Variants in GRIK3 observed in about 807,000 individuals in gnomAD.
GRIK3 encodes glutamate ionotropic receptor kainate type subunit 3.
In GRIK3, 29 loss-of-function variants were observed where a neutral mutation model predicts 102.5. The observed-to-expected ratio is 0.28, with a 90% CI of 0.21 to 0.39. GRIK3 has a LOEUF of 0.39. GRIK3 is among the 10% of genes least tolerant of loss of function. The pLI is 1.00. For missense variants in GRIK3, 908 were observed against 1,252.4 expected (o/e 0.73, Z 4.15); for synonymous variants, 511 against 504.9 (o/e 1.01, Z -0.16).
At chr1:36,961,901 A>G (rs1642015060) in intron 1 of GRIK3, among the ~76,000 whole-genome samples, 1 of 149,806 alleles carries the variant, frequency 6.7e-6, no homozygotes. Context: ...TCTCGAGCTC[A>G]CAGCCTGGTG....
intron 10 of GRIK3, among the ~76,000 whole-genome samples, chr1:36,832,801 T>C (rs887782963): frequency 6.6e-6 from 1 of 152,110 alleles, no homozygotes; most frequent in Non-Finnish European, 1.5e-5. Flanking sequence ...CCGTGTCCCT[T>C]CAGTCAAGTT....
At chr1:36,976,899 A>G (rs1431306739) in intron 1 of GRIK3, among the ~76,000 whole-genome samples, 1 of 152,202 alleles carries the variant, frequency 6.6e-6, no homozygotes, top group Non-Finnish European at 1.5e-5. Context: ...AAAGGCTTCT[A>G]GACACAGGAC....
intron 1 of GRIK3, among the ~76,000 whole-genome samples, chr1:36,954,402 T>TG (rs1377687759): frequency 6.6e-6 from 1 of 152,198 alleles, no homozygotes; most frequent in Non-Finnish European, 1.5e-5. Context: ...GGAAGCCACA[T>TG]GCCAATCAGA....
chr1:36,988,061 T>C (rs1353886762), intron 1 of GRIK3, among the ~76,000 whole-genome samples: 1 of 151,564 alleles, frequency 6.6e-6, no homozygotes, highest in Non-Finnish European at 1.5e-5. Flanking sequence ...GAGGCCGAGG[T>C]GGGTGGATCA....
chr1:36,801,878 G>A lies in GRIK3; in HGVS notation c.2733C>T (p.Ser911=), dbSNP rs966503756. Residue 911 remains serine (S), a synonymous_variant, in exon 16 of 16, where the codon AGC becomes AGT. Transcript: ENST00000373091. ...AGGGGAACACAGGGGCTAAGGATGT[G>A]CTGCAGGCCATGCTGTCCTTGCCGG... The part of the protein sequence containing the change: ...RLPGKDSMAC[S]TSLAPVFP 71 of 1,611,356 alleles carry A rather than the reference G, an allele frequency of 4.4e-5. No homozygotes were observed. The highest frequency in any genetic ancestry group is 6.0e-5 in the Non-Finnish European group (71 of 1,178,614).
chr1:36,886,818 C>G (rs1433055006), intron 2 of GRIK3, among the ~76,000 whole-genome samples: 4 of 152,146 alleles, frequency 2.6e-5, no homozygotes, highest in Non-Finnish European at 5.9e-5. Flanking sequence ...TTGCTCCTTC[C>G]CAGTCAATAT....
intron 10 of GRIK3, among the ~76,000 whole-genome samples, chr1:36,838,446 G>T (rs1185473868): frequency 6.6e-6 from 1 of 152,194 alleles, no homozygotes; most frequent in Non-Finnish European, 1.5e-5. Context: ...GATGGGGGAT[G>T]GAGGGTATAA....
In GRIK3 at chr1:36,795,788, T is replaced by C. The variant is rs1166988989; in HGVS notation, c.*6063A>G. 1 of 152,112 alleles carries C rather than the reference T, an allele frequency of 6.6e-6. No individual in the cohort carries two copies. The highest frequency in any genetic ancestry group is 2.4e-5 in the African/African-American group (1 of 41,408). 9.4% of individuals were successfully genotyped at this position (152,112 alleles called of 1,614,324 possible). A position where few individuals can be genotyped will look rare whatever the true frequency, so the allele number is the denominator to read the frequency against. On this transcript the variant is annotated 3_prime_UTR_variant, in exon 16 of 16. Coordinates refer to ENST00000373091, the MANE Select transcript of GRIK3 (RefSeq NM_000831.4). ...ATCCCCTGAATGGCCCAGAGACCAG[T>C]GTGTGGGAACCATGTTGAGTGGGAG...
chr1:36,842,916 C>T (rs949901555), intron 9 of GRIK3, among the ~76,000 whole-genome samples: 2 of 152,146 alleles, frequency 1.3e-5, no homozygotes, highest in Non-Finnish European at 2.9e-5. Flanking sequence ...TGGTGCTCCT[C>T]CCTCAGGGGC....
Position 36,798,994 on chromosome 1 carries a change from A to T in GRIK3, c.*2857T>A, listed in dbSNP as rs1329050827. The T allele has an allele frequency of 1.3e-5, 2 of 152,220 alleles. No individual in the cohort carries two copies. The highest frequency in any genetic ancestry group is 2.9e-5 in the Non-Finnish European group (2 of 68,042). 9.4% of individuals were successfully genotyped at this position (152,220 alleles called of 1,614,324 possible). A position where few individuals can be genotyped will look rare whatever the true frequency, so the allele number is the denominator to read the frequency against. On this transcript the variant is annotated 3_prime_UTR_variant, in exon 16 of 16. Coordinates refer to ENST00000373091, the MANE Select transcript of GRIK3 (RefSeq NM_000831.4). The stretch of plus-strand genomic sequence containing the variant: ...AACATGCTCATGTAGCATCACACAC[A>T]CAACACATGTGTGAGACAAGAGCAA...
intron 1 of GRIK3, among the ~76,000 whole-genome samples, chr1:36,996,334 G>A (rs915516687): frequency 3.3e-5 from 5 of 152,216 alleles, no homozygotes; most frequent in Non-Finnish European, 7.3e-5. Context: ...TTGAACACAA[G>A]GCTTATGGGT....
At chr1:36,909,548 G>T (rs1029598114) in intron 1 of GRIK3, among the ~76,000 whole-genome samples, 1 of 152,132 alleles carries the variant, frequency 6.6e-6, no homozygotes, top group African/African-American at 2.4e-5. Flanking sequence ...TGATCTGCCT[G>T]CCTCGGCCTC....
intron 1 of GRIK3, among the ~76,000 whole-genome samples, chr1:36,917,275 T>C (rs553618244): frequency 1.1e-4 from 17 of 152,336 alleles, no homozygotes; most frequent in African/African-American, 4.1e-4. Flanking sequence ...AACTAACTTG[T>C]TCTTGATTTT....
intron 3 of GRIK3, among the ~76,000 whole-genome samples, chr1:36,874,152 CAGAT>C (rs1331425087): frequency 6.6e-6 from 1 of 152,220 alleles, no homozygotes; most frequent in African/African-American, 2.4e-5. Flanking sequence ...TGACCTCACT[CAGAT>C]AGCCCTCTCC....
chr1:36,978,282 C>T (rs114988998), intron 1 of GRIK3, among the ~76,000 whole-genome samples: 16 of 152,354 alleles, frequency 1.1e-4, no homozygotes, highest in South Asian at 2.1e-4. Context: ...CTGCCTGGCA[C>T]GCACTGCACC....
At chr1:37,018,834 A>C (rs979844715) in intron 1 of GRIK3, among the ~76,000 whole-genome samples, 1 of 152,322 alleles carries the variant, frequency 6.6e-6, no homozygotes, top group Middle Eastern at 3.4e-3. Context: ...CATGAAAAAA[A>C]AACTCCAATT....
At chr1:36,909,593 G>A (rs544301629) in intron 1 of GRIK3, among the ~76,000 whole-genome samples, 3 of 152,176 alleles carry the variant, frequency 2.0e-5, no homozygotes, top group South Asian at 4.1e-4. Flanking sequence ...GAGCCACTGC[G>A]CCCGGCCTTT....
intron 1 of GRIK3, among the ~76,000 whole-genome samples, chr1:36,992,028 G>T (rs534982555): frequency 6.6e-6 from 1 of 152,180 alleles, no homozygotes; most frequent in Non-Finnish European, 1.5e-5. Flanking sequence ...GACCTGGGGG[G>T]TGGTTCCCAG....
intron 1 of GRIK3, among the ~76,000 whole-genome samples, chr1:36,902,375 A>G (rs1453445851): frequency 2.6e-5 from 4 of 152,254 alleles, no homozygotes; most frequent in African/African-American, 9.6e-5. Context: ...GTTGGCATAT[A>G]GACAGACAAA....
Sources: gnomAD v4.1 joint callset for allele counts (sites outside exome capture counted in the v4.1 genomes callset) on GRCh38, gnomAD v4.1.1 for gene constraint, MANE v1.5 for transcripts, NCBI Gene and HGNC (gene_info 2026-07-23, HGNC 2026-07-21) for gene names.